The following SPOP variants were observed in gnomAD, a reference collection of about 807,000 sequenced individuals.
SPOP encodes the protein speckle type BTB/POZ protein.
A neutral mutation model predicts 45.6 loss-of-function variants in SPOP; 11 were observed. The ratio of observed to expected loss-of-function variants is 0.24; its 90% confidence interval spans 0.15 to 0.40. The LOEUF is 0.40. SPOP is among the 10% of genes least tolerant of loss of function. The pLI is 1.00. For missense variants in SPOP, 152 were observed against 465.6 expected, an observed-to-expected ratio of 0.33 and a Z score of 6.20; for synonymous variants, 166 against 166.3, an observed-to-expected ratio of 1.00 and a Z score of 0.01.
At position 49,642,025 on chromosome 17, in the gene SPOP, C is replaced by CA. The variant is rs991304404; in HGVS notation, c.-66-19150dup. 3.4e-3 allele frequency among the ~76,000 whole-genome samples: 449 copies of CA among 133,964 alleles called. 1 individual carries two copies. Among genetic ancestry groups the CA allele is most frequent in the African/African-American group, 7.0e-3 (256 of 36,430 alleles). The allele number at this position is 133,964 out of a possible 152,430, so 87.9% of individuals were successfully genotyped here. On this transcript the variant is annotated intron_variant, in intron 1 of 9. Transcript: ENST00000504102. ...TGGGTGACAGAGTGAGACTCCGCCT[C>CA]AAAAAAAAAAAAGTGTAATACCTGT...
At chr17:49,626,109 T>C (rs956327372) in intron 1 of SPOP, among the ~76,000 whole-genome samples, 2 of 152,184 alleles carry the variant, frequency 1.3e-5, no homozygotes, top group Non-Finnish European at 2.9e-5. Flanking sequence ...TAGTTTGTTT[T>C]CAAAGGCCAA....
At chr17:49,658,538 CCTG>C (rs1430638644) in intron 1 of SPOP, among the ~76,000 whole-genome samples, 2 of 152,166 alleles carry the variant, frequency 1.3e-5, no homozygotes, top group Non-Finnish European at 2.9e-5. Flanking sequence ...AAGGAACTTC[CCTG>C]CTGTTTTCAT....
At chr17:49,652,707 C>A (rs929383443) in intron 1 of SPOP, among the ~76,000 whole-genome samples, 1 of 152,100 alleles carries the variant, frequency 6.6e-6, no homozygotes, top group African/African-American at 2.4e-5. Context: ...CACAGTAAAA[C>A]CAATTTTAAA....
In SPOP at chr17:49,601,950, C is replaced by T. The variant is rs371674237; in HGVS notation, c.895G>A (p.Val299Met). 1.8e-4 allele frequency: 298 copies of T among 1,614,010 alleles called. No individual in the cohort carries two copies. Among genetic ancestry groups the T allele is most frequent in the Non-Finnish European group, 2.4e-4 (288 of 1,179,998 alleles). The change falls in exon 9 of 10, where the codon GTG (valine) becomes ATG (methionine). Residue 299 changes from valine (V) to methionine (M), a missense_variant. By Grantham distance (21) the Val-to-Met change is conservative. Around this residue, in one of 3 missense-constraint regions of SPOP, gnomAD observed 106 missense variants for 255.2 expected, o/e 0.42. Transcript: ENST00000504102. Reference sequence around the variant, plus strand: ...ATGAGAATTTCTGCAGCGTTCTCCACGGACAGGTTACTGCAGAGGGCATCC... The same window carrying T: ...ATGAGAATTTCTGCAGCGTTCTCCATGGACAGGTTACTGCAGAGGGCATCC... ...CEDALCSNLS[V>M]ENAAEILILA...
chr17:49,652,029 T>A (rs2072849274), intron 1 of SPOP, among the ~76,000 whole-genome samples: 1 of 150,748 alleles, frequency 6.6e-6, no homozygotes. Flanking sequence ...AAAAAAAAAA[T>A]TGGAAGAATA....
At chr17:49,624,671 GC>G (rs1567781699) in intron 1 of SPOP, among the ~76,000 whole-genome samples, 2 of 151,722 alleles carry the variant, frequency 1.3e-5, no homozygotes, top group Admixed American at 1.3e-4. Context: ...ACAGGGTTTT[GC>G]CATGTTGCCC....
At chr17:49,665,408 A>C (rs952105533) in intron 1 of SPOP, among the ~76,000 whole-genome samples, 28 of 151,630 alleles carry the variant, frequency 1.8e-4, no homozygotes, top group Non-Finnish European at 8.8e-5. Flanking sequence ...AGGTCAGGAG[A>C]TCAAGATCAT....
intron 1 of SPOP, among the ~76,000 whole-genome samples, chr17:49,664,656 A>G (rs2143546056): frequency 6.6e-6 from 1 of 152,206 alleles, no homozygotes; most frequent in East Asian, 1.9e-4. Context: ...CACTCCCAAA[A>G]CTGCTCTGTT....
intron 8 of SPOP, among the ~76,000 whole-genome samples, chr17:49,605,276 T>G (rs1435531231): frequency 6.6e-6 from 1 of 152,206 alleles, no homozygotes; most frequent in African/African-American, 2.4e-5. Context: ...AAGGTAAAAG[T>G]TGAAAATGCT....
chr17:49,600,339 C>T lies in SPOP; in HGVS notation c.*39G>A. On this transcript the variant is annotated 3_prime_UTR_variant, in exon 10 of 10. Coordinates refer to ENST00000504102, the MANE Select transcript of SPOP (RefSeq NM_001007228.2). This position sits in a 1 kb window ranked among gnomAD's most constrained non-coding sequence, Gnocchi z 4.2. The stretch of plus-strand genomic sequence containing the variant: ...TCAGTGGCAGCAACAGTGGCTGCTG[C>T]TTCTGGAAATTAAACGGAGTCTTAC... The T allele has an allele frequency of 6.2e-7, 1 of 1,611,530 alleles. No individual in the cohort carries two copies. Among genetic ancestry groups the T allele is most frequent in the Non-Finnish European group, 8.5e-7 (1 of 1,178,834 alleles).
chr17:49,653,713 T>C (rs1164489182), intron 1 of SPOP, among the ~76,000 whole-genome samples: 2 of 151,234 alleles, frequency 1.3e-5, no homozygotes, highest in Non-Finnish European at 2.9e-5. Flanking sequence ...CACAGAAGAG[T>C]GGGTACAAAA....
chr17:49,612,023 C>T (rs1025804737), intron 5 of SPOP, among the ~76,000 whole-genome samples: 5 of 152,008 alleles, frequency 3.3e-5, no homozygotes, highest in African/African-American at 7.3e-5. Flanking sequence ...GCTGGGACTA[C>T]AGGCGCATGC....
At chr17:49,674,709 A>T (rs1286933597) in intron 1 of SPOP, among the ~76,000 whole-genome samples, 1 of 152,244 alleles carries the variant, frequency 6.6e-6, no homozygotes, top group Non-Finnish European at 1.5e-5. Context: ...TCAAAAGGAG[A>T]TCATAAATCA....
intron 1 of SPOP, among the ~76,000 whole-genome samples, chr17:49,676,551 T>C (rs149294036): frequency 3.3e-5 from 5 of 152,102 alleles, no homozygotes; most frequent in Non-Finnish European, 7.4e-5. Context: ...CTAAAGAGAA[T>C]TGAAAGTAAG....
chr17:49,600,162 C>T lies in SPOP; in HGVS notation c.*216G>A. 1.5e-6 allele frequency: 1 copy of T among 647,330 alleles called. No individual in the cohort carries two copies. The highest frequency in any genetic ancestry group is 2.7e-6 in the Non-Finnish European group (1 of 376,748). The allele number at this position is 647,330 out of a possible 1,614,324, so 40.1% of individuals were successfully genotyped here. On this transcript the variant is annotated 3_prime_UTR_variant, in exon 10 of 10. Transcript: ENST00000504102. The surrounding 1 kb of genome is among the most constrained non-coding windows in gnomAD (Gnocchi z 4.2). Reference sequence around the variant, plus strand: ...AAACTCAGCCAGGCCAAAGGGAACACAGTGACGCAGCAACAGGGTTTTCAT... The same window carrying T: ...AAACTCAGCCAGGCCAAAGGGAACATAGTGACGCAGCAACAGGGTTTTCAT...
rs781175213 is a variant in SPOP at position 49,621,964 on chromosome 17, G to T, written c.182C>A (p.Ala61Glu). 1 of 1,613,824 alleles carries T rather than the reference G, an allele frequency of 6.2e-7. No homozygotes were observed. The highest frequency in any genetic ancestry group is 8.5e-7 in the Non-Finnish European group (1 of 1,179,806). Residue 61 changes from alanine (A) to glutamate (E), a missense_variant, in exon 3 of 10, where the codon GCA becomes GAA. By Grantham distance (107) the Ala-to-Glu change is moderately radical (BLOSUM62 -1). Transcript: ENST00000504102. ...VIKSSTFSSG[A>E]NDKLKWCLRV... ...TCCTCACCATTTCAGTTTATCATTT[G>T]CTCCTGATGAAAATGTAGAACTTTT...
In SPOP at chr17:49,621,912, A is replaced by G. The variant is rs199546560; in HGVS notation, c.200+34T>C. The G allele has an allele frequency of 2.6e-5, 42 of 1,607,524 alleles. No homozygotes were observed. In the African/African-American group the frequency reaches 5.1e-4, roughly 19 times the overall value. ...AACCAAACAAAACAGACAACTTCAG[A>G]AAAATTTTTACAGTTAGACGTATTC... On this transcript the variant is annotated intron_variant, in intron 3 of 9. Transcript: ENST00000504102.
intron 1 of SPOP, among the ~76,000 whole-genome samples, chr17:49,637,413 C>T (rs932088012): frequency 6.6e-6 from 1 of 151,992 alleles, no homozygotes; most frequent in Non-Finnish European, 1.5e-5. Flanking sequence ...TGCAGTGGAG[C>T]GATCTCAGCC....
At chr17:49,602,581 T>C (rs1311932091) in intron 8 of SPOP, among the ~76,000 whole-genome samples, 2 of 152,130 alleles carry the variant, frequency 1.3e-5, no homozygotes, top group African/African-American at 2.4e-5. Flanking sequence ...GCCCATCAGG[T>C]TGTGAAAAGG....
Sources: allele counts gnomAD v4.1 joint callset (sites outside exome capture counted in the v4.1 genomes callset), GRCh38; gene constraint gnomAD v4.1.1; regional missense constraint gnomAD v4.1.1; non-coding constraint Gnocchi (gnomAD v3.1); transcripts MANE v1.5; gene names NCBI Gene and HGNC (gene_info 2026-07-23, HGNC 2026-07-21).